DPP10: variants seen among roughly 807,000 people sequenced by gnomAD.
The protein encoded by DPP10 is inactive dipeptidyl peptidase 10.
A neutral mutation model predicts 120.9 loss-of-function variants in DPP10; 33 were observed. The ratio of observed to expected loss-of-function variants is 0.27; its 90% CI spans 0.21 to 0.37. The LOEUF is 0.37. Ranked by LOEUF, DPP10 falls within the 10% of genes least tolerant of loss-of-function variation. DPP10 has a pLI of 1.00. For synonymous variants in DPP10, 337 were observed against 326.1 expected, an observed-to-expected ratio of 1.03 and a Z score of -0.36; for missense variants, 816 against 942.8, an observed-to-expected ratio of 0.87 and a Z score of 1.76.
chr2:115,177,984 C>T (rs1573906090), intron 1 of DPP10, among the ~76,000 whole-genome samples: 2 of 152,116 alleles, frequency 1.3e-5, no homozygotes, highest in Non-Finnish European at 2.9e-5. Flanking sequence ...AGGATGATCT[C>T]GATCTCCTGA....
chr2:114,948,866 C>T (rs1447589891), intron 1 of DPP10, among the ~76,000 whole-genome samples: 2 of 151,926 alleles, frequency 1.3e-5, no homozygotes, highest in African/African-American at 4.8e-5. Flanking sequence ...AAAGGAGAAG[C>T]AAGCACCTCC....
At chr2:115,162,043 C>G (rs1032009159) in intron 1 of DPP10, 2 of 1,414,938 alleles carry the variant, frequency 1.4e-6, no homozygotes, top group Non-Finnish European at 1.8e-6. Flanking sequence ...GAGTCGGCAG[C>G]CGCGGCCAGG....
At chr2:115,374,791 G>A (rs911317614) in intron 3 of DPP10, among the ~76,000 whole-genome samples, 2 of 152,200 alleles carry the variant, frequency 1.3e-5, no homozygotes, top group African/African-American at 4.8e-5. Context: ...AATGATCTGA[G>A]CTGTACATTG....
intron 1 of DPP10, among the ~76,000 whole-genome samples, chr2:114,588,722 C>T (rs1021776018): frequency 1.3e-5 from 2 of 152,046 alleles, no homozygotes; most frequent in African/African-American, 2.4e-5. Flanking sequence ...TATAAAGGGG[C>T]TACTGGTTAT....
chr2:114,460,723 A>G (rs1256837949), intron 1 of DPP10, among the ~76,000 whole-genome samples: 1 of 152,216 alleles, frequency 6.6e-6, no homozygotes. Flanking sequence ...TATATAAACT[A>G]ATAAAGAGGC....
At chr2:115,352,801 A>C (rs1185939726) in intron 3 of DPP10, among the ~76,000 whole-genome samples, 1 of 152,148 alleles carries the variant, frequency 6.6e-6, no homozygotes, top group African/African-American at 2.4e-5. Flanking sequence ...ACTCAGTCCA[A>C]TTACGATGAA....
At chr2:115,810,301 A>C (rs1166905463) in intron 19 of DPP10, among the ~76,000 whole-genome samples, 2 of 152,350 alleles carry the variant, frequency 1.3e-5, no homozygotes, top group East Asian at 3.9e-4. Flanking sequence ...TGGTAATGAA[A>C]TCAAGGACTA....
chr2:115,723,480 A>C (rs1158089803), intron 7 of DPP10, among the ~76,000 whole-genome samples: 1 of 152,188 alleles, frequency 6.6e-6, no homozygotes, highest in Non-Finnish European at 1.5e-5. Flanking sequence ...CCATCCAGGC[A>C]TTCGATTATG....
intron 1 of DPP10, among the ~76,000 whole-genome samples, chr2:114,901,784 T>C (rs1255150225): frequency 6.6e-6 from 1 of 152,138 alleles, no homozygotes; most frequent in Non-Finnish European, 1.5e-5. Flanking sequence ...AGAAGTGGGA[T>C]CAAGAACCTT....
chr2:114,493,891 T>C (rs182098343), intron 1 of DPP10, among the ~76,000 whole-genome samples: 1 of 152,258 alleles, frequency 6.6e-6, no homozygotes, highest in Admixed American at 6.5e-5. Flanking sequence ...ACCTGGCCTC[T>C]ACTGAATTTT....
chr2:115,339,891 A>ATT (rs1293477080), intron 2 of DPP10, among the ~76,000 whole-genome samples: 4 of 152,210 alleles, frequency 2.6e-5, no homozygotes, highest in Non-Finnish European at 5.9e-5. Flanking sequence ...CCTGTGATGC[A>ATT]GTTGCGTAGA....
intron 3 of DPP10, among the ~76,000 whole-genome samples, chr2:115,384,092 A>T (rs1165176479): frequency 1.3e-5 from 2 of 152,208 alleles, no homozygotes; most frequent in African/African-American, 4.8e-5. Flanking sequence ...ACTAAAAGAG[A>T]TTGAAGTCAC....
At chr2:114,594,128 G>A (rs1362950700) in intron 1 of DPP10, among the ~76,000 whole-genome samples, 1 of 152,044 alleles carries the variant, frequency 6.6e-6, no homozygotes, top group Non-Finnish European at 1.5e-5. Context: ...AACTGGGTGG[G>A]CACCATCTAA....
intron 5 of DPP10, among the ~76,000 whole-genome samples, chr2:115,616,369 A>G (rs528182372): frequency 6.6e-6 from 1 of 152,104 alleles, no homozygotes; most frequent in East Asian, 1.9e-4. Context: ...ACAGAGAATG[A>G]AGCCTCGCAA....
chr2:115,789,477 T>C (rs1239493029), intron 17 of DPP10, among the ~76,000 whole-genome samples: 2 of 152,228 alleles, frequency 1.3e-5, no homozygotes, highest in Non-Finnish European at 2.9e-5. Context: ...ATTCCTGAAC[T>C]TCATGAATGA....
intron 2 of DPP10, among the ~76,000 whole-genome samples, chr2:115,313,570 T>A (rs569735249): frequency 6.6e-6 from 1 of 152,322 alleles, no homozygotes; most frequent in South Asian, 2.1e-4. Flanking sequence ...AGAAATGTTT[T>A]AGAAACTGTT....
chr2:115,290,768 A>C (rs1231243625), intron 1 of DPP10, among the ~76,000 whole-genome samples: 14 of 152,138 alleles, frequency 9.2e-5, no homozygotes, highest in Admixed American at 9.2e-4. Flanking sequence ...ATAATCATGC[A>C]CTTGCAACAA....
At chr2:115,260,677 G>C (rs542053578) in intron 1 of DPP10, among the ~76,000 whole-genome samples, 13 of 152,252 alleles carry the variant, frequency 8.5e-5, no homozygotes, top group African/African-American at 2.6e-4. Flanking sequence ...GATTAAAATG[G>C]CAAAAGCAAA....
At chr2:115,510,498 A>G (rs1302599858) in intron 4 of DPP10, among the ~76,000 whole-genome samples, 1 of 152,166 alleles carries the variant, frequency 6.6e-6, no homozygotes. Context: ...TCTGTATTCT[A>G]TTAATCTATA....
Sources: gnomAD v4.1 joint callset for allele counts (sites outside exome capture counted in the v4.1 genomes callset) on GRCh38, gnomAD v4.1.1 for gene constraint, MANE v1.5 for transcripts, NCBI Gene and HGNC (gene_info 2026-07-23, HGNC 2026-07-21) for gene names.